UBE2E2: variants seen among roughly 807,000 people sequenced by gnomAD.
UBE2E2 encodes the protein ubiquitin-conjugating enzyme E2 E2.
Under a neutral mutation model 24.7 loss-of-function variants are expected in UBE2E2, and 6 were observed. That is an observed-to-expected ratio of 0.24 (90% confidence interval 0.13 to 0.48). The LOEUF (loss-of-function observed/expected upper bound fraction) is 0.48, where lower values mean the gene tolerates loss of function less well. Ranked by LOEUF, UBE2E2 falls within the 20% of genes least tolerant of loss-of-function variation. The pLI, the probability that UBE2E2 is intolerant of heterozygous loss-of-function variation, is 0.99. For missense variants in UBE2E2, 169 were observed against 245.0 expected (o/e 0.69, Z 2.07); for synonymous variants, 104 against 83.6 (o/e 1.24, Z -1.33).
Position 23,273,530 on chromosome 3 carries a change from C to CAA in UBE2E2, c.227+56231_227+56232dup, listed in dbSNP as rs11328464. The stretch of plus-strand genomic sequence containing the variant: ...TGGGCGACAGAGCGAGACTCCGTCT[C>CAA]AAAAAAAAAAAAAAGAGAGAGAAAT... On this transcript the variant is annotated intron_variant, in intron 3 of 5. Transcript: ENST00000396703. Among the ~76,000 whole-genome samples, 1,153 of 140,852 alleles carry CAA rather than the reference C, an allele frequency of 8.2e-3. 14 individuals are homozygous for CAA. The highest frequency in any genetic ancestry group is 0.026 in the African/African-American group (1,002 of 38,062). 92.4% of individuals were successfully genotyped at this position (140,852 alleles called of 152,430 possible). A position where few individuals can be genotyped will look rare whatever the true frequency, so the allele number is the denominator to read the frequency against.
At chr3:23,371,131 G>A (rs915946919) in intron 3 of UBE2E2, among the ~76,000 whole-genome samples, 3 of 152,110 alleles carry the variant, frequency 2.0e-5, no homozygotes, top group Non-Finnish European at 4.4e-5. Context: ...CTGGGCTCAA[G>A]TGATCCTCCC....
At chr3:23,262,404 AG>A (rs1158359694) in intron 3 of UBE2E2, among the ~76,000 whole-genome samples, 2 of 152,128 alleles carry the variant, frequency 1.3e-5, no homozygotes, top group Non-Finnish European at 2.9e-5. Context: ...CAGCCTCCCA[AG>A]TAGTTAGGAC....
At chr3:23,336,368 G>A (rs368323784) in intron 3 of UBE2E2, among the ~76,000 whole-genome samples, 8 of 152,290 alleles carry the variant, frequency 5.3e-5, no homozygotes, top group African/African-American at 1.7e-4. Flanking sequence ...AGTAAAAGTC[G>A]TAATCTTTCC....
intron 3 of UBE2E2, among the ~76,000 whole-genome samples, chr3:23,353,330 C>G (rs1228267113): frequency 6.6e-6 from 1 of 152,064 alleles, no homozygotes; most frequent in Middle Eastern, 3.4e-3. Flanking sequence ...TGGCACAAGA[C>G]AGGGATGCCC....
intron 3 of UBE2E2, among the ~76,000 whole-genome samples, chr3:23,298,293 T>C (rs1044175397): frequency 6.6e-6 from 1 of 152,028 alleles, no homozygotes; most frequent in African/African-American, 2.4e-5. Context: ...TTCTCCTGCC[T>C]AATTGCCCTG....
chr3:23,308,894 C>T (rs1459043228), intron 3 of UBE2E2, among the ~76,000 whole-genome samples: 2 of 152,148 alleles, frequency 1.3e-5, no homozygotes, highest in African/African-American at 4.8e-5. Context: ...CTGAAATCCC[C>T]CAAGAGGCTG....
At chr3:23,566,341 T>A (rs1696071979) in intron 5 of UBE2E2, among the ~76,000 whole-genome samples, 1 of 152,124 alleles carries the variant, frequency 6.6e-6, no homozygotes, top group Non-Finnish European at 1.5e-5. Context: ...TGGGGAGTAA[T>A]GGTGATTAAA....
chr3:23,216,843 G>A (rs1696489315), intron 2 of UBE2E2, among the ~76,000 whole-genome samples: 1 of 152,096 alleles, frequency 6.6e-6, no homozygotes, highest in Admixed American at 6.6e-5. Context: ...TTCAGGTGTT[G>A]GAATGAGATC....
intron 3 of UBE2E2, among the ~76,000 whole-genome samples, chr3:23,347,883 T>C (rs569232245): frequency 2.0e-5 from 3 of 152,286 alleles, no homozygotes; most frequent in East Asian, 3.9e-4. Context: ...CTTGCACTTA[T>C]CTTTGGTTGA....
chr3:23,405,943 A>C (rs1363524614), intron 3 of UBE2E2, among the ~76,000 whole-genome samples: 2 of 152,172 alleles, frequency 1.3e-5, no homozygotes. Context: ...TGACTTTTCC[A>C]TTGAGTTTCC....
At chr3:23,436,212 C>T (rs558892290) in intron 3 of UBE2E2, among the ~76,000 whole-genome samples, 1 of 152,118 alleles carries the variant, frequency 6.6e-6, no homozygotes, top group Non-Finnish European at 1.5e-5. Context: ...CCGATTTTAC[C>T]AGGTGTCAAA....
intron 3 of UBE2E2, among the ~76,000 whole-genome samples, chr3:23,324,859 G>A (rs971349251): frequency 6.6e-6 from 1 of 151,754 alleles, no homozygotes; most frequent in Non-Finnish European, 1.5e-5. Flanking sequence ...TTGTTAAATA[G>A]TGTGTTATAT....
intron 4 of UBE2E2, among the ~76,000 whole-genome samples, chr3:23,503,689 A>G (rs1694355866): frequency 6.6e-6 from 1 of 151,848 alleles, no homozygotes; most frequent in African/African-American, 2.4e-5. Flanking sequence ...TCCCATCTCT[A>G]CTAAAAATAC....
chr3:23,366,928 T>A (rs1329849206), intron 3 of UBE2E2, among the ~76,000 whole-genome samples: 1 of 152,146 alleles, frequency 6.6e-6, no homozygotes, highest in Non-Finnish European at 1.5e-5. Flanking sequence ...AAAATTAGTG[T>A]TTATTGGTAT....
chr3:23,487,287 C>T (rs1699394436), intron 3 of UBE2E2, among the ~76,000 whole-genome samples: 1 of 152,108 alleles, frequency 6.6e-6, no homozygotes, highest in South Asian at 2.1e-4. Flanking sequence ...CACTTCCAAG[C>T]CTGCAGGGGC....
intron 3 of UBE2E2, among the ~76,000 whole-genome samples, chr3:23,295,497 A>C (rs955139333): frequency 6.6e-6 from 1 of 152,208 alleles, no homozygotes. Context: ...AACGGGGACA[A>C]CACCACTGTT....
chr3:23,530,169 G>T (rs974502615), intron 4 of UBE2E2, among the ~76,000 whole-genome samples: 1 of 152,082 alleles, frequency 6.6e-6, no homozygotes, highest in Non-Finnish European at 1.5e-5. Flanking sequence ...AGCTTCTTTT[G>T]TGGCTTAGCA....
At chr3:23,246,192 A>T (rs1231625187) in intron 3 of UBE2E2, among the ~76,000 whole-genome samples, 2 of 147,710 alleles carry the variant, frequency 1.4e-5, no homozygotes, top group Non-Finnish European at 3.0e-5. Flanking sequence ...AGTAGTTGGG[A>T]CTACAGGTGT....
chr3:23,575,684 A>G (rs1373736462), intron 5 of UBE2E2, among the ~76,000 whole-genome samples: 1 of 152,180 alleles, frequency 6.6e-6, no homozygotes, highest in Non-Finnish European at 1.5e-5. Flanking sequence ...TAAATTGTAC[A>G]TACTTTTATT....
Sources: gnomAD v4.1 joint callset for allele counts (sites outside exome capture counted in the v4.1 genomes callset) on GRCh38, gnomAD v4.1.1 for gene constraint, MANE v1.5 for transcripts, NCBI Gene and HGNC (gene_info 2026-07-23, HGNC 2026-07-21) for gene names.